The following KDM7A variants were observed in gnomAD, a reference collection of about 807,000 sequenced individuals.
KDM7A encodes lysine demethylase 7A.
Under a neutral mutation model 114.8 loss-of-function variants are expected in KDM7A, and 28 were observed. The observed-to-expected ratio is 0.24, with a 90% CI of 0.18 to 0.33. The LOEUF (loss-of-function observed/expected upper bound fraction) is 0.33, where lower values mean the gene tolerates loss of function less well. KDM7A is among the 10% of genes least tolerant of loss of function. The probability of loss-of-function intolerance (pLI) is 1.00; values close to 1 mark genes in which losing one functional copy is unlikely to be tolerated. For missense variants in KDM7A, 942 were observed against 1,142.5 expected (o/e 0.82, Z 2.53); for synonymous variants, 423 against 397.8 (o/e 1.06, Z -0.75).
At chr7:140,115,370 A>G (rs975129811) in intron 9 of KDM7A, among the ~76,000 whole-genome samples, 1 of 152,226 alleles carries the variant, frequency 6.6e-6, no homozygotes, top group African/African-American at 2.4e-5. Flanking sequence ...AAATGTGGGG[A>G]AAAGAGAGAG....
chr7:140,140,796 T>C (rs960778509), intron 1 of KDM7A, among the ~76,000 whole-genome samples: 3 of 151,704 alleles, frequency 2.0e-5, no homozygotes, highest in Non-Finnish European at 4.4e-5. Flanking sequence ...TGAATACTAT[T>C]CAGTGTTCTA....
At chr7:140,170,386 T>C (rs764103837) in intron 1 of KDM7A, among the ~76,000 whole-genome samples, 15 of 152,208 alleles carry the variant, frequency 9.9e-5, no homozygotes, top group African/African-American at 2.2e-4. Context: ...ACCCCTGAGA[T>C]AGAGACAGAC....
chr7:140,133,524 A>C lies in KDM7A; in HGVS notation c.398+15T>G, dbSNP rs768137660. The C allele has an allele frequency of 7.4e-7, 1 of 1,348,574 alleles. No homozygotes were observed. Among genetic ancestry groups the C allele is most frequent in the East Asian group, 2.3e-5 (1 of 43,618 alleles). The allele number at this position is 1,348,574 out of a possible 1,614,324, so 83.5% of individuals were successfully genotyped here. A position where few individuals can be genotyped will look rare whatever the true frequency, so the allele number is the denominator to read the frequency against. ...ACATTCTTACATTTTCTTTTATCAGAGTAAGTTTCCATACCTTGGGAAGAC... is the reference window on the plus strand; with the variant it reads ...ACATTCTTACATTTTCTTTTATCAGCGTAAGTTTCCATACCTTGGGAAGAC... On this transcript the variant is annotated intron_variant, in intron 3 of 19. Coordinates refer to ENST00000397560, the MANE Select transcript of KDM7A (RefSeq NM_030647.2).
chr7:140,153,853 T>C (rs1243023494), intron 1 of KDM7A, among the ~76,000 whole-genome samples: 1 of 152,234 alleles, frequency 6.6e-6, no homozygotes, highest in Non-Finnish European at 1.5e-5. Flanking sequence ...TGTTTCTTTG[T>C]TGCTCTTTCA....
chr7:140,129,814 C>T (rs1818758533), intron 3 of KDM7A, among the ~76,000 whole-genome samples, 161 bp from the exon 4 acceptor site: 1 of 152,082 alleles, frequency 6.6e-6, no homozygotes, highest in African/African-American at 2.4e-5. Flanking sequence ...TGTAAATCTC[C>T]TTTTGCTATC....
intron 1 of KDM7A, among the ~76,000 whole-genome samples, chr7:140,169,017 T>C (rs1222608022): frequency 1.3e-5 from 2 of 152,174 alleles, no homozygotes; most frequent in African/African-American, 4.8e-5. Context: ...ATGTGTGCAA[T>C]TAGTGTATTT....
intron 1 of KDM7A, among the ~76,000 whole-genome samples, chr7:140,142,534 G>A (rs978953301): frequency 2.6e-5 from 4 of 151,956 alleles, no homozygotes; most frequent in Non-Finnish European, 5.9e-5. Context: ...ATAAGTAACT[G>A]GGGGAAATAT....
At chr7:140,144,571 G>A (rs1055892569) in intron 1 of KDM7A, among the ~76,000 whole-genome samples, 4 of 152,144 alleles carry the variant, frequency 2.6e-5, no homozygotes, top group Non-Finnish European at 5.9e-5. Flanking sequence ...AGCTGAGTAT[G>A]GAAAAAGGTA....
At chr7:140,130,284 G>A (rs1818764330) in intron 3 of KDM7A, among the ~76,000 whole-genome samples, 1 of 152,128 alleles carries the variant, frequency 6.6e-6, no homozygotes, top group South Asian at 2.1e-4. Flanking sequence ...TACAGGATGC[G>A]TAGAAATTTG....
rs79827874 is a variant in KDM7A at position 140,166,751 on chromosome 7, C to T, written c.194+9993G>A. 8.5e-3 allele frequency among the ~76,000 whole-genome samples: 1,286 copies of T among 152,124 alleles called. 16 individuals are homozygous for T. Among genetic ancestry groups the T allele is most frequent in the African/African-American group, 0.028 (1,173 of 41,462 alleles). On this transcript the variant is annotated intron_variant, in intron 1 of 19. Transcript: ENST00000397560. ...ACAAAGCAAGCATACCCACGATCTA[C>T]CACTATTCAACTCTATACGAGAGGT...
chr7:140,112,783 T>C (rs1437038406), intron 10 of KDM7A, among the ~76,000 whole-genome samples: 2 of 152,194 alleles, frequency 1.3e-5, no homozygotes, highest in South Asian at 2.1e-4. Context: ...TATATTACTT[T>C]ATAAACATTT....
At chr7:140,130,851 CTTTTTTTTTT>C (rs574245274) in intron 3 of KDM7A, among the ~76,000 whole-genome samples, 1 of 97,240 alleles carries the variant, frequency 1.0e-5, no homozygotes, top group Non-Finnish European at 1.9e-5. Flanking sequence ...TTTAATAAGT[CTTTTTTTTTT>C]TTTTTTTTTT....
intron 1 of KDM7A, among the ~76,000 whole-genome samples, chr7:140,168,600 C>T (rs1794604289): frequency 1.3e-5 from 2 of 150,856 alleles, no homozygotes; most frequent in South Asian, 4.2e-4. Context: ...TAGGAGGCAT[C>T]AAAATGTAAT....
chr7:140,152,653 T>C (rs1234396828), intron 1 of KDM7A, among the ~76,000 whole-genome samples: 1 of 151,694 alleles, frequency 6.6e-6, no homozygotes, highest in Non-Finnish European at 1.5e-5. Flanking sequence ...CCAACACAAT[T>C]ACAAATCAGA....
chr7:140,126,074 T>C (rs374490422), intron 6 of KDM7A, among the ~76,000 whole-genome samples: 6 of 152,160 alleles, frequency 3.9e-5, no homozygotes, highest in African/African-American at 1.4e-4. Context: ...CTGGCTAATG[T>C]TTTTATTTTT....
At chr7:140,134,958 ACTAT>A (rs1331944199) in intron 2 of KDM7A, among the ~76,000 whole-genome samples, 7 of 151,964 alleles carry the variant, frequency 4.6e-5, no homozygotes, top group Non-Finnish European at 1.5e-5. Context: ...GGCTTATTCA[ACTAT>A]CTAAGAGTCT....
intron 4 of KDM7A, among the ~76,000 whole-genome samples, chr7:140,128,342 A>G (rs1490489132): frequency 1.3e-5 from 2 of 152,238 alleles, no homozygotes; most frequent in South Asian, 2.1e-4. Flanking sequence ...TCTGAAATAG[A>G]AAACAAATAA....
chr7:140,103,718 C>T (rs1818277608), intron 11 of KDM7A, among the ~76,000 whole-genome samples: 1 of 152,164 alleles, frequency 6.6e-6, no homozygotes, highest in Admixed American at 6.5e-5. Context: ...CATTGATGGA[C>T]ATTTGGGTTG....
chr7:140,107,619 TAG>T (rs1335613752), intron 11 of KDM7A, among the ~76,000 whole-genome samples: 5 of 152,232 alleles, frequency 3.3e-5, no homozygotes, highest in African/African-American at 9.6e-5. Context: ...TTCTGGCTTG[TAG>T]AGTTTCTGCC....
Sources: allele counts gnomAD v4.1 joint callset (sites outside exome capture counted in the v4.1 genomes callset), GRCh38; gene constraint gnomAD v4.1.1; transcripts MANE v1.5; gene names NCBI Gene and HGNC (gene_info 2026-07-23, HGNC 2026-07-21).